The following FHOD3 variants were observed in gnomAD, a reference collection of about 807,000 sequenced individuals.
The protein encoded by FHOD3 is formin homology 2 domain containing 3.
In FHOD3, 90 loss-of-function variants were observed where a neutral mutation model predicts 173.0. The observed-to-expected ratio is 0.52, with a 90% CI of 0.44 to 0.62. FHOD3 has a LOEUF of 0.62. Among genes scored for constraint, FHOD3 ranks in the 20% least tolerant of loss-of-function variants. FHOD3 has a pLI of 0.00. For missense variants in FHOD3, 1,945 were observed against 2,034.7 expected (o/e 0.96, Z 0.85); for synonymous variants, 828 against 823.0 (o/e 1.01, Z -0.10).
chr18:36,614,745 T>C (rs1179422569), intron 9 of FHOD3, among the ~76,000 whole-genome samples: 1 of 152,188 alleles, frequency 6.6e-6, no homozygotes, highest in Non-Finnish European at 1.5e-5. Context: ...CCCTGTTGAC[T>C]AATGATGTTT....
chr18:36,629,715 T>C (rs1365605719), intron 10 of FHOD3, among the ~76,000 whole-genome samples: 4 of 152,120 alleles, frequency 2.6e-5, no homozygotes, highest in Middle Eastern at 3.4e-3. Flanking sequence ...CAGAGGAAGA[T>C]TGAGGGGTCG....
intron 17 of FHOD3, 135 bp downstream of exon 17, chr18:36,693,558 G>C: frequency 1.2e-6 from 1 of 807,030 alleles, no homozygotes; most frequent in Non-Finnish European, 2.0e-6. Context: ...GGGGAGGGGG[G>C]TTGTGACTGC....
intron 3 of FHOD3, among the ~76,000 whole-genome samples, chr18:36,498,037 C>T (rs2145943377): frequency 6.6e-6 from 1 of 152,194 alleles, no homozygotes; most frequent in Middle Eastern, 3.4e-3. Context: ...AAATTAGTAA[C>T]AGATATCTGG....
At chr18:36,649,261 A>G (rs1206213288) in intron 10 of FHOD3, 55 bp from the exon 11 acceptor site, 2 of 1,316,744 alleles carry the variant, frequency 1.5e-6, no homozygotes, top group Non-Finnish European at 2.1e-6. Flanking sequence ...TGTAATGCTC[A>G]TCTCACTTTT....
chr18:36,728,435 C>T (rs1033828565), intron 19 of FHOD3, among the ~76,000 whole-genome samples: 33 of 152,182 alleles, frequency 2.2e-4, no homozygotes, highest in African/African-American at 7.5e-4. Context: ...AGGTCAACTA[C>T]GTAGAACAGA....
chr18:36,380,558 T>TTTCCTTTCC (rs1488494277), intron 3 of FHOD3, among the ~76,000 whole-genome samples: 1 of 61,636 alleles, frequency 1.6e-5, no homozygotes, highest in Admixed American at 2.1e-4. Context: ...TTTTGTTTTC[T>TTTCCTTTCC]TTTCTTTTCT....
chr18:36,667,077 T>C (rs2037229154), intron 14 of FHOD3, among the ~76,000 whole-genome samples: 1 of 152,362 alleles, frequency 6.6e-6, no homozygotes, highest in East Asian at 1.9e-4. Flanking sequence ...TATTCCTTCA[T>C]GTTGTTGTGT....
rs59266786 is a variant in FHOD3, at chr18:36,517,016, C to T, written c.511+4473C>T. Among the ~76,000 whole-genome samples, 658 of 151,996 alleles carry T rather than the reference C, an allele frequency of 4.3e-3. 5 individuals carry two copies. The highest frequency in any genetic ancestry group is 0.015 in the African/African-American group (605 of 41,444). On this transcript the variant is annotated intron_variant, in intron 5 of 28. Transcript: ENST00000590592. ...TTTTTTTTTTTAAGGCCCAGGAATC[C>T]GCTGCTTTCCTTTGAGGATGTGTCT...
intron 3 of FHOD3, among the ~76,000 whole-genome samples, chr18:36,447,059 C>G (rs2051528515): frequency 6.6e-6 from 1 of 152,222 alleles, no homozygotes; most frequent in Middle Eastern, 3.4e-3. Flanking sequence ...CTCGGCAACT[C>G]CTTTTCTTCT....
rs144205486 is a variant in FHOD3, at chr18:36,631,363, A to G, written c.1196+5614A>G. ...CCAAAATAGCTATGTGCCAATTTAT[A>G]TATGGCCATTGGCTCATAGTAGGCA... is the stretch of plus-strand genomic sequence containing the variant. On this transcript the variant is annotated intron_variant, in intron 10 of 28. Coordinates refer to ENST00000590592, the MANE Select transcript of FHOD3 (RefSeq NM_001281740.3). Among the ~76,000 whole-genome samples the G allele has an allele frequency of 6.4e-4, 98 of 152,352 alleles. 1 individual carries two copies. The East Asian group carries it at 0.015, about 24-fold the overall frequency.
At chr18:36,347,366 T>C (rs1799346191) in intron 1 of FHOD3, among the ~76,000 whole-genome samples, 1 of 152,222 alleles carries the variant, frequency 6.6e-6, no homozygotes, top group Non-Finnish European at 1.5e-5. Context: ...AAGCTCTGAA[T>C]GGGAGACATC....
intron 3 of FHOD3, among the ~76,000 whole-genome samples, chr18:36,412,182 T>C (rs1011404601): frequency 6.6e-6 from 1 of 152,144 alleles, no homozygotes; most frequent in African/African-American, 2.4e-5. Context: ...TTGCAGGGGA[T>C]TGAAAAGCTG....
intron 13 of FHOD3, among the ~76,000 whole-genome samples, chr18:36,655,242 C>A (rs2036339762): frequency 6.6e-6 from 1 of 152,090 alleles, no homozygotes; most frequent in African/African-American, 2.4e-5. Flanking sequence ...TATCTATGTG[C>A]AAGTTAGGAG....
chr18:36,631,592 C>T (rs975030293), intron 10 of FHOD3, among the ~76,000 whole-genome samples: 1 of 152,136 alleles, frequency 6.6e-6, no homozygotes, highest in Non-Finnish European at 1.5e-5. Flanking sequence ...AGTGTACAAA[C>T]TCCATTTTTG....
chr18:36,618,878 ATC>A (rs1341352699), intron 9 of FHOD3, among the ~76,000 whole-genome samples: 1 of 152,090 alleles, frequency 6.6e-6, no homozygotes, highest in Non-Finnish European at 1.5e-5. Flanking sequence ...TCTCTGGGGT[ATC>A]TCTCTGATTG....
chr18:36,307,639 G>C (rs2092138174), intron 1 of FHOD3, among the ~76,000 whole-genome samples: 1 of 152,206 alleles, frequency 6.6e-6, no homozygotes. Context: ...TCTTCACACT[G>C]TAGTTCCATG....
chr18:36,373,365 T>C (rs2047284192), intron 3 of FHOD3, among the ~76,000 whole-genome samples: 1 of 152,264 alleles, frequency 6.6e-6, no homozygotes. Context: ...ATTTTGCTTT[T>C]GTTTAATGTA....
intron 6 of FHOD3, 72 bp downstream of exon 6, chr18:36,576,617 G>T: frequency 8.4e-7 from 1 of 1,191,986 alleles, no homozygotes; most frequent in Non-Finnish European, 1.2e-6. Flanking sequence ...CTCTGAGTCA[G>T]TTTTGCAGAA....
At chr18:36,695,521 A>T (rs1452615077) in intron 17 of FHOD3, among the ~76,000 whole-genome samples, 1 of 152,158 alleles carries the variant, frequency 6.6e-6, no homozygotes, top group Admixed American at 6.5e-5. Context: ...GCATCATTTG[A>T]TGTTGTTTGC....
Sources: allele counts gnomAD v4.1 joint callset (sites outside exome capture counted in the v4.1 genomes callset), GRCh38; gene constraint gnomAD v4.1.1; transcripts MANE v1.5; gene names NCBI Gene and HGNC (gene_info 2026-07-23, HGNC 2026-07-21).